Variants in TC2N observed in about 807,000 individuals in gnomAD.
TC2N encodes the protein tandem C2 domains nuclear protein.
A neutral mutation model predicts 61.9 loss-of-function variants in TC2N; 51 were observed. That is an observed-to-expected ratio of 0.82 (90% CI 0.66 to 1.04). The LOEUF is 1.04. Ranked by LOEUF, TC2N falls within the 50% of genes least tolerant of loss-of-function variation. The pLI, the probability that TC2N is intolerant of heterozygous loss-of-function variation, is 0.00. For synonymous variants in TC2N, 204 were observed against 192.6 expected (o/e 1.06, Z -0.49); for missense variants, 556 against 566.7 (o/e 0.98, Z 0.19).
chr14:91,855,996 G>A (rs1266550789), intron 1 of TC2N, among the ~76,000 whole-genome samples: 1 of 152,126 alleles, frequency 6.6e-6, no homozygotes, highest in Admixed American at 6.6e-5. Context: ...AACCACAGCT[G>A]ACTTCTGGGT....
At chr14:91,802,459 T>C (rs1348588636) in intron 3 of TC2N, 38 bp from the exon 4 acceptor site, 1 of 1,595,898 alleles carries the variant, frequency 6.3e-7, no homozygotes, top group Non-Finnish European at 8.5e-7. Flanking sequence ...TAACATCCTT[T>C]TCTTGGAGTT....
rs770621137 is a variant in TC2N at position 91,797,881 on chromosome 14, G to A, written c.759C>T (p.Pro253=). 5 of 1,601,176 alleles carry A rather than the reference G, an allele frequency of 3.1e-6. No homozygotes were observed. Among genetic ancestry groups the A allele is most frequent in the East Asian group, 2.2e-5 (1 of 44,446 alleles). ...TVLQCRDLSW[P]SSYGDTPTVS... is the part of the protein sequence containing the mutation. The stretch of plus-strand genomic sequence containing the variant: ...CAGTAGGAGTGTCTCCATAACTAGA[G>A]GGCCAACTTAAATCTCTGCACTAAA... The change falls in exon 8 of 12, where the codon CCC becomes CCT. Residue 253 remains proline (P), a synonymous_variant. Coordinates refer to ENST00000435962, the MANE Select transcript of TC2N (RefSeq NM_001128596.3).
At chr14:91,797,305 A>C (rs1199304633) in intron 8 of TC2N, among the ~76,000 whole-genome samples, 1 of 152,066 alleles carries the variant, frequency 6.6e-6, no homozygotes, top group Non-Finnish European at 1.5e-5. Context: ...GCATAGAAAA[A>C]CAATAATCTT....
Position 91,791,138 on chromosome 14 carries a change from AAGGGGAAGGGAAGGG to A in TC2N, c.1047+1214_1047+1228del, listed in dbSNP as rs770599143. Reference sequence around the variant, plus strand: ...AGAGCTTTCTGTCTTCCTCAAAAAAAAGGGGAAGGGAAGGGAGGGGAAGGGAAGGGAAGGGAAAGG... The same window carrying A: ...AGAGCTTTCTGTCTTCCTCAAAAAAAAGGGGAAGGGAAGGGAAGGGAAAGG... On this transcript the variant is annotated intron_variant, in intron 9 of 11. Transcript: ENST00000435962. Among the ~76,000 whole-genome samples, 1,295 of 135,734 alleles carry A rather than the reference AAGGGGAAGGGAAGGG, an allele frequency of 9.5e-3. 8 individuals are homozygous for A. Among genetic ancestry groups the A allele is most frequent in the Non-Finnish European group, 0.015 (953 of 63,338 alleles). 89.0% of individuals were successfully genotyped at this position (135,734 alleles called of 152,430 possible).
At chr14:91,807,395 C>G (rs990859405) in intron 3 of TC2N, among the ~76,000 whole-genome samples, 11 of 152,204 alleles carry the variant, frequency 7.2e-5, no homozygotes, top group African/African-American at 2.7e-4. Flanking sequence ...GTGAAAGCAG[C>G]TAGGAGGGAA....
At chr14:91,855,038 T>C (rs988770222) in intron 1 of TC2N, among the ~76,000 whole-genome samples, 14 of 152,022 alleles carry the variant, frequency 9.2e-5, no homozygotes, top group Non-Finnish European at 1.6e-4. Context: ...TTCTGCATAA[T>C]AGAGTAGGAT....
intron 1 of TC2N, among the ~76,000 whole-genome samples, chr14:91,830,655 CA>C (rs35586815): frequency 6.7e-6 from 1 of 150,366 alleles, no homozygotes; most frequent in Admixed American, 6.6e-5. Flanking sequence ...AATGAATATA[CA>C]AAAAAAAACC....
At chr14:91,794,410 G>GTAT (rs1885801531) in intron 8 of TC2N, among the ~76,000 whole-genome samples, 1 of 152,156 alleles carries the variant, frequency 6.6e-6, no homozygotes, top group South Asian at 2.1e-4. Flanking sequence ...TGGAGGAGAA[G>GTAT]TCAATGCCTG....
At chr14:91,811,034 TATTCAACAAATATACACTTAAA>T (rs1265070662) in intron 3 of TC2N, among the ~76,000 whole-genome samples, 4 of 152,132 alleles carry the variant, frequency 2.6e-5, no homozygotes, top group African/African-American at 9.7e-5. Context: ...CTTTTGTCAA[TATTCAACAAATATACACTTAAA>T]ATTCAACAAA....
chr14:91,828,820 A>T (rs1223499612), intron 1 of TC2N, among the ~76,000 whole-genome samples: 2 of 152,034 alleles, frequency 1.3e-5, no homozygotes. Context: ...TTTTATTTTT[A>T]GTAAGACTAC....
intron 1 of TC2N, among the ~76,000 whole-genome samples, chr14:91,831,356 GTAGA>G (rs1241413410): frequency 1.3e-5 from 2 of 152,038 alleles, no homozygotes; most frequent in Non-Finnish European, 2.9e-5. Context: ...GGTGATTACA[GTAGA>G]TATTTAAGAA....
At chr14:91,838,050 A>C (rs920678792) in intron 1 of TC2N, among the ~76,000 whole-genome samples, 1 of 152,082 alleles carries the variant, frequency 6.6e-6, no homozygotes, top group Admixed American at 6.5e-5. Flanking sequence ...ACAACCAGTT[A>C]GTGGTTGCCC....
In TC2N at chr14:91,785,353, C is replaced by A. The variant is rs146216998; in HGVS notation, c.1171G>T (p.Val391Leu). Residue 391 changes from valine to leucine, a missense_variant, in exon 11 of 12, where the codon GTG becomes TTG. Physicochemically the swap from Val to Leu is conservative, Grantham distance 32. Transcript: ENST00000435962. ...SSTPLTLSFF[V>L]KVGMFSSGEL... ...CCCGAGCTAAACATTCCCACCTTCA[C>A]GAAAAAACCTAAAAAATTAGAAATA... 1.4e-4 allele frequency: 228 copies of A among 1,610,898 alleles called. No homozygotes were observed. Among genetic ancestry groups the A allele is most frequent in the Non-Finnish European group, 1.8e-4 (214 of 1,178,848 alleles).
At chr14:91,841,645 G>A (rs1888165434) in intron 1 of TC2N, among the ~76,000 whole-genome samples, 1 of 152,218 alleles carries the variant, frequency 6.6e-6, no homozygotes, top group Non-Finnish European at 1.5e-5. Context: ...TGGCAGCTAT[G>A]TATGGACTTT....
chr14:91,862,434 C>A (rs1384093213), intron 1 of TC2N, among the ~76,000 whole-genome samples: 2 of 152,116 alleles, frequency 1.3e-5, no homozygotes, highest in African/African-American at 2.4e-5. Context: ...GAATCAGACC[C>A]ATATCTGCCT....
chr14:91,852,474 C>T (rs765612293), intron 1 of TC2N, among the ~76,000 whole-genome samples: 1 of 151,974 alleles, frequency 6.6e-6, no homozygotes, highest in Non-Finnish European at 1.5e-5. Flanking sequence ...CTTTTTCAAT[C>T]GGGAAACCTG....
At chr14:91,801,781 G>A (rs1886261869) in intron 4 of TC2N, among the ~76,000 whole-genome samples, 1 of 152,008 alleles carries the variant, frequency 6.6e-6, no homozygotes, top group Non-Finnish European at 1.5e-5. Flanking sequence ...TTTCTCTTTT[G>A]TTATATGTAT....
intron 4 of TC2N, 137 bp from the exon 5 acceptor site, chr14:91,800,509 A>C (rs1319510665): frequency 1.8e-5 from 8 of 442,870 alleles, no homozygotes. Flanking sequence ...CCTTCTAATA[A>C]AAATTTTTTA....
At chr14:91,784,269 T>C (rs764457739) in intron 11 of TC2N, among the ~76,000 whole-genome samples, 8 of 152,180 alleles carry the variant, frequency 5.3e-5, no homozygotes, top group Admixed American at 6.5e-5. Context: ...TTTAACTGAA[T>C]TGACTTCATA....
Sources: allele counts gnomAD v4.1 joint callset (sites outside exome capture counted in the v4.1 genomes callset), GRCh38; gene constraint gnomAD v4.1.1; transcripts MANE v1.5; gene names NCBI Gene and HGNC (gene_info 2026-07-23, HGNC 2026-07-21).